Variants in TMPO observed in about 807,000 individuals in gnomAD.
TMPO encodes thymopoietin, also known as LEM domain containing 4.
Under a neutral mutation model 45.4 loss-of-function variants are expected in TMPO, and 22 were observed. That is an observed-to-expected ratio of 0.48 (90% CI 0.35 to 0.69). The LOEUF is 0.69. Ranked by LOEUF, TMPO falls within the 30% of genes least tolerant of loss-of-function variation. TMPO has a pLI of 0.01. For missense variants in TMPO, 512 were observed against 548.8 expected, an observed-to-expected ratio of 0.93 and a Z score of 0.67; for synonymous variants, 241 against 204.1, an observed-to-expected ratio of 1.18 and a Z score of -1.54.
chr12:98,528,836 A>G (rs953928362), intron 2 of TMPO, among the ~76,000 whole-genome samples: 5 of 151,924 alleles, frequency 3.3e-5, no homozygotes, highest in South Asian at 2.1e-4. Flanking sequence ...TCACAAATCT[A>G]TTGTCCCAGC....
In TMPO at chr12:98,516,015, C is replaced by T; in HGVS notation, c.148C>T (p.Arg50Trp). ...CCTGCAGCACCTCACGGCTCGCAAC[C>T]GGCCGCCGCTCCCCGCCGGCACCAA... is the stretch of plus-strand genomic sequence containing the variant. ...LYLQHLTARNRPPLPAGTNSK... is the reference protein window; with the variant it reads ...LYLQHLTARNWPPLPAGTNSK... The change falls in exon 1 of 9, where the codon CGG becomes TGG. Residue 50 changes from arginine (R) to tryptophan (W), a missense_variant. Around this residue, in one of 3 missense-constraint regions of TMPO, gnomAD observed 299 missense variants for 296.7 expected, o/e 1.01. Transcript: ENST00000556029. The T allele has an allele frequency of 6.2e-7, 1 of 1,609,168 alleles. No individual in the cohort carries two copies. The highest frequency in any genetic ancestry group is 8.5e-7 in the Non-Finnish European group (1 of 1,178,892).
chr12:98,527,462 G>A, intron 1 of TMPO: 1 of 162,704 alleles, frequency 6.1e-6, no homozygotes, highest in Non-Finnish European at 1.3e-5. Context: ...GGTGGGGGTT[G>A]CAGTGAACTG....
intron 2 of TMPO, among the ~76,000 whole-genome samples, chr12:98,529,242 TG>T (rs1565808974): frequency 6.6e-6 from 1 of 151,804 alleles, no homozygotes; most frequent in African/African-American, 2.4e-5. Flanking sequence ...TTAGTAGAGA[TG>T]GGGTTTTGCC....
Position 98,515,900 on chromosome 12 carries a change from G to A in TMPO, c.33G>A (p.Leu11=). The A allele has an allele frequency of 6.2e-7, 1 of 1,613,766 alleles. No homozygotes were observed. The highest frequency in any genetic ancestry group is 8.5e-7 in the Non-Finnish European group (1 of 1,179,818). The change falls in exon 1 of 9, where the codon CTG becomes CTA. Residue 11 remains leucine (L), a synonymous_variant. Transcript: ENST00000556029. ...AGTTCCTGGAAGACCCCTCGGTCCT[G>A]ACAAAAGACAAGTTGAAGAGTGAGT... is the stretch of plus-strand genomic sequence containing the variant. MPEFLEDPSV[L]TKDKLKSELV...
chr12:98,534,346 A>C, intron 3 of TMPO: 1 of 1,611,168 alleles, frequency 6.2e-7, no homozygotes, highest in Non-Finnish European at 8.5e-7. Context: ...ACACTAGTAA[A>C]ATTAAGGACA....
chr12:98,528,962 C>CA (rs893515744), intron 2 of TMPO, among the ~76,000 whole-genome samples: 12 of 149,210 alleles, frequency 8.0e-5, no homozygotes, highest in African/African-American at 2.0e-4. Flanking sequence ...GACCCTGTCT[C>CA]AAAAAAAATA....
intron 1 of TMPO, among the ~76,000 whole-genome samples, chr12:98,517,210 T>A (rs529778850): frequency 1.3e-5 from 2 of 152,340 alleles, no homozygotes; most frequent in African/African-American, 4.8e-5. Context: ...TCAGGAAAAA[T>A]TTATTTCATG....
In TMPO at chr12:98,534,118, A is replaced by G. The variant is rs1877412049; in HGVS notation, c.565+2280A>G. 1 of 1,613,720 alleles carries G rather than the reference A, an allele frequency of 6.2e-7. No individual in the cohort carries two copies. Among genetic ancestry groups the G allele is most frequent in the Non-Finnish European group, 8.5e-7 (1 of 1,179,758 alleles). ...CCAAGCGCTTGGGATTCTGAGCAAA[A>G]CATATGATGCAGCCTCATATATTTG... On this transcript the variant is annotated intron_variant, in intron 3 of 8. Transcript: ENST00000556029.
At chr12:98,535,088 G>T in intron 3 of TMPO, 1 of 947,388 alleles carries the variant, frequency 1.1e-6, no homozygotes, top group East Asian at 1.2e-4. Flanking sequence ...ACCAATTCAT[G>T]GACCAGTACC....
Position 98,518,373 on chromosome 12 carries a change from C to T in TMPO, c.279+2227C>T, listed in dbSNP as rs550355385. On this transcript the variant is annotated intron_variant, in intron 1 of 8. Transcript: ENST00000556029. The stretch of plus-strand genomic sequence containing the variant: ...GGGATGTGATCATAGCTTACTGCAG[C>T]CTCAAACTCTTTGGCTCACGAGAGC... 4.6e-5 allele frequency among the ~76,000 whole-genome samples: 7 copies of T among 151,956 alleles called. No homozygotes were observed. In the South Asian group the frequency reaches 6.2e-4, roughly 14 times the overall value.
chr12:98,522,924 G>A (rs764918980), intron 1 of TMPO, among the ~76,000 whole-genome samples: 6 of 152,148 alleles, frequency 3.9e-5, no homozygotes, highest in Non-Finnish European at 8.8e-5. Flanking sequence ...AGAATATATT[G>A]TTATGGTTCA....
At chr12:98,532,230 A>C (rs934406234) in intron 3 of TMPO, 1 of 176,544 alleles carries the variant, frequency 5.7e-6, no homozygotes, top group African/African-American at 2.4e-5. Context: ...CATCTGTCTA[A>C]TACATGGTAT....
At chr12:98,516,451 G>T in intron 1 of TMPO, 2 of 1,148,284 alleles carry the variant, frequency 1.7e-6, no homozygotes, top group Non-Finnish European at 2.1e-6. Context: ...CGCCTGCAGC[G>T]GGCGTTTAGA....
intron 4 of TMPO, among the ~76,000 whole-genome samples, chr12:98,543,564 G>A (rs1878049696): frequency 6.6e-6 from 1 of 152,174 alleles, no homozygotes; most frequent in Admixed American, 6.6e-5. Context: ...TGAGGCAGCT[G>A]TTTTCTGTCT....
intron 4 of TMPO, among the ~76,000 whole-genome samples, chr12:98,538,703 A>G: frequency 6.6e-6 from 1 of 152,146 alleles, no homozygotes. Context: ...TTGATTCCTT[A>G]AGGCAAGTCA....
At position 98,515,604 on chromosome 12, in the gene TMPO, G is replaced by C; in HGVS notation, c.-264G>C. 1.8e-6 allele frequency: 1 copy of C among 560,606 alleles called. No homozygotes were observed. The highest frequency in any genetic ancestry group is 2.4e-5 in the South Asian group (1 of 41,016). The allele number at this position is 560,606 out of a possible 1,614,324, so 34.7% of individuals were successfully genotyped here. ...GGGGCGTGGGCGAAGCAGGCTGCTCGCCTCCTGCCTGTAGTGTGTGGGCTG... is the reference window on the plus strand; with the variant it reads ...GGGGCGTGGGCGAAGCAGGCTGCTCCCCTCCTGCCTGTAGTGTGTGGGCTG... On this transcript the variant is annotated 5_prime_UTR_variant, in exon 1 of 9. Coordinates refer to ENST00000556029, the MANE Select transcript of TMPO (RefSeq NM_001032283.3).
rs1340721490 is a variant in TMPO, at chr12:98,544,947, G to T, written c.880-4G>T. 1.3e-6 allele frequency: 2 copies of T among 1,599,388 alleles called. No homozygotes were observed. The highest frequency in any genetic ancestry group is 2.7e-5 in the African/African-American group (2 of 74,550). Reference sequence around the variant, plus strand: ...CTGAGTCTGAATAATTTGAATCTTGGCAGGTTGTCAATAGGGTGACTGGAA... The same window carrying T: ...CTGAGTCTGAATAATTTGAATCTTGTCAGGTTGTCAATAGGGTGACTGGAA... On this transcript the variant is annotated splice_region_variant and splice_polypyrimidine_tract_variant and intron_variant, in intron 6 of 8. Transcript: ENST00000556029.
intron 2 of TMPO, among the ~76,000 whole-genome samples, chr12:98,529,087 C>T (rs1876997845): frequency 6.9e-6 from 1 of 145,424 alleles, no homozygotes; most frequent in African/African-American, 2.5e-5. Flanking sequence ...GGGTTTCGCT[C>T]TTGTTGCCCA....
At chr12:98,520,465 C>T (rs189194655) in intron 1 of TMPO, among the ~76,000 whole-genome samples, 1 of 151,814 alleles carries the variant, frequency 6.6e-6, no homozygotes, top group African/African-American at 2.4e-5. Flanking sequence ...CACCACTACT[C>T]CTGGTTAATT....
Sources: allele counts gnomAD v4.1 joint callset (sites outside exome capture counted in the v4.1 genomes callset), GRCh38; gene constraint gnomAD v4.1.1; regional missense constraint gnomAD v4.1.1; transcripts MANE v1.5; gene names NCBI Gene and HGNC (gene_info 2026-07-23, HGNC 2026-07-21).